EDA: variants seen among roughly 807,000 people sequenced by gnomAD.
The protein encoded by EDA is ectodysplasin-A.
In EDA, 2 loss-of-function variants were observed where a neutral mutation model predicts 23.6. That is an observed-to-expected ratio of 0.08 (90% CI 0.03 to 0.27). The LOEUF is 0.27. Ranked by LOEUF, EDA falls within the 10% of genes least tolerant of loss-of-function variation. The probability of loss-of-function intolerance (pLI) is 1.00; values close to 1 mark genes in which losing one functional copy is unlikely to be tolerated. For synonymous variants in EDA, 131 were observed against 132.0 expected, an observed-to-expected ratio of 0.99 and a Z score of 0.05; for missense variants, 229 against 324.2, an observed-to-expected ratio of 0.71 and a Z score of 2.26.
At chrX:69,709,491 G>A (rs984027268) in intron 1 of EDA, among the ~76,000 whole-genome samples, 1 of 111,442 alleles carries the variant, frequency 9.0e-6, no homozygotes, top group Non-Finnish European at 1.9e-5. Flanking sequence ...CTGAGACACC[G>A]TCAAATACTT....
chrX:69,993,843 C>T (rs1339208886), intron 2 of EDA, among the ~76,000 whole-genome samples: 1 of 111,287 alleles, frequency 9.0e-6, no homozygotes, highest in African/African-American at 3.3e-5. Context: ...CATATTTCTT[C>T]AACTTGAGGT....
intron 2 of EDA, among the ~76,000 whole-genome samples, chrX:69,989,916 A>G (rs1378512244): frequency 9.7e-6 from 1 of 102,967 alleles, no homozygotes; most frequent in Non-Finnish European, 2.0e-5. Flanking sequence ...AGGAGGGGAG[A>G]GAGAAAGAGG....
chrX:70,028,056 C>T lies in EDA; in HGVS notation c.706+20C>T, dbSNP rs1326769665. 1 of 1,196,534 alleles carries T rather than the reference C, an allele frequency of 8.4e-7. No individual in the cohort carries two copies. Among genetic ancestry groups the T allele is most frequent in the Non-Finnish European group, 1.1e-6 (1 of 888,256 alleles). ...CTTCTGGTGAGTTCCCCTGTCTCTC[C>T]ACCCCACCAGGTGCCTTTAAAGTAC... On this transcript the variant is annotated intron_variant, in intron 4 of 7. Transcript: ENST00000374552.
At chrX:69,892,279 T>G (rs1288153998) in intron 1 of EDA, among the ~76,000 whole-genome samples, 1 of 112,227 alleles carries the variant, frequency 8.9e-6, no homozygotes, top group South Asian at 3.7e-4. Context: ...AAACTAATAT[T>G]ACATGCTCTT....
intron 1 of EDA, among the ~76,000 whole-genome samples, chrX:69,628,233 C>A (rs1402947371): frequency 8.9e-6 from 1 of 112,028 alleles, no homozygotes; most frequent in Non-Finnish European, 1.9e-5. Context: ...TTGGATCAAT[C>A]CACAAGGCTC....
chrX:69,671,919 A>G (rs549603062), intron 1 of EDA, among the ~76,000 whole-genome samples: 1 of 112,247 alleles, frequency 8.9e-6, no homozygotes, highest in African/African-American at 3.2e-5. Context: ...GTCACCTATT[A>G]GAGACACTTA....
At chrX:69,731,497 A>G (rs943808980) in intron 1 of EDA, among the ~76,000 whole-genome samples, 62 of 109,092 alleles carry the variant, frequency 5.7e-4, no homozygotes, top group African/African-American at 2.0e-3. Flanking sequence ...GCTGGAGTAC[A>G]GTAGCGTGAT....
intron 1 of EDA, among the ~76,000 whole-genome samples, chrX:69,908,078 C>A (rs1359152537): frequency 1.8e-5 from 2 of 111,719 alleles, no homozygotes; most frequent in East Asian, 5.6e-4. Flanking sequence ...GTACACTTGA[C>A]AATTACTCCC....
At chrX:69,687,379 T>C (rs1195947702) in intron 1 of EDA, among the ~76,000 whole-genome samples, 2 of 111,080 alleles carry the variant, frequency 1.8e-5, no homozygotes, top group Non-Finnish European at 3.8e-5. Context: ...TTCACTCTTA[T>C]TTGTGTGAAG....
chrX:69,829,343 C>G (rs1027078800), intron 1 of EDA, among the ~76,000 whole-genome samples: 2 of 111,877 alleles, frequency 1.8e-5, no homozygotes, highest in African/African-American at 6.5e-5. Context: ...ACTTCCCCAC[C>G]ACCTCATATC....
chrX:69,818,015 A>G (rs1569342089), intron 1 of EDA, among the ~76,000 whole-genome samples: 1 of 111,903 alleles, frequency 8.9e-6, no homozygotes, highest in East Asian at 2.8e-4. Context: ...TAAAATCATA[A>G]CAGTCTCTTA....
In EDA at chrX:69,721,153, G is replaced by A. The variant is rs1265793888; in HGVS notation, c.396+104449G>A. Among the ~76,000 whole-genome samples, 6 of 111,491 alleles carry A rather than the reference G, an allele frequency of 5.4e-5. No homozygotes were observed. In the East Asian group the frequency reaches 1.7e-3, roughly 32 times the overall value. Reference sequence around the variant, plus strand: ...GGCTTCCACTGCTCCTGCTGGTGGTGCTTGACGGGGCAGAAGGGGTTTCCC... The same window carrying A: ...GGCTTCCACTGCTCCTGCTGGTGGTACTTGACGGGGCAGAAGGGGTTTCCC... On this transcript the variant is annotated intron_variant, in intron 1 of 7. Coordinates refer to ENST00000374552, the MANE Select transcript of EDA (RefSeq NM_001399.5).
At chrX:69,836,873 C>G (rs2016789225) in intron 1 of EDA, among the ~76,000 whole-genome samples, 2 of 111,520 alleles carry the variant, frequency 1.8e-5, no homozygotes, top group Non-Finnish European at 1.9e-5. Flanking sequence ...TGGAATGCCC[C>G]CAAGAAATCC....
chrX:69,912,326 T>C (rs1446094851), intron 1 of EDA, among the ~76,000 whole-genome samples: 1 of 111,990 alleles, frequency 8.9e-6, no homozygotes, highest in Non-Finnish European at 1.9e-5. Context: ...TATTTTGACC[T>C]GCTTCCATGA....
intron 2 of EDA, 77 bp from the exon 3 acceptor site, chrX:70,023,141 C>T (rs997643463): frequency 2.6e-5 from 18 of 699,266 alleles, no homozygotes; most frequent in Non-Finnish European, 3.7e-5. Flanking sequence ...GGGGATCCCT[C>T]CTAGTGACTA....
At chrX:69,873,398 A>G (rs971594622) in intron 1 of EDA, among the ~76,000 whole-genome samples, 1 of 112,351 alleles carries the variant, frequency 8.9e-6, no homozygotes, top group Non-Finnish European at 1.9e-5. Context: ...AACAAAGATT[A>G]GAGCAGAACT....
In EDA at chrX:69,790,439, A is replaced by T. The variant is rs148880663; in HGVS notation, c.397-166588A>T. Among the ~76,000 whole-genome samples, 891 of 111,204 alleles carry T rather than the reference A, an allele frequency of 8.0e-3. 11 individuals are homozygous for T. Among genetic ancestry groups the T allele is most frequent in the African/African-American group, 0.028 (844 of 30,625 alleles). On this transcript the variant is annotated intron_variant, in intron 1 of 7. Coordinates refer to ENST00000374552, the MANE Select transcript of EDA (RefSeq NM_001399.5). ...ATTGCTTAGCCGTATATTTTATTTA[A>T]TCTTAGTTCAATGGATAGCAAATTA...
chrX:69,962,428 CATTTT>C (rs751747916), intron 2 of EDA, among the ~76,000 whole-genome samples: 1 of 112,168 alleles, frequency 8.9e-6, no homozygotes, highest in Non-Finnish European at 1.9e-5. Context: ...AAAAGTACCT[CATTTT>C]ATTTTATTTT....
At chrX:69,877,027 A>G (rs1171125277) in intron 1 of EDA, among the ~76,000 whole-genome samples, 1 of 112,592 alleles carries the variant, frequency 8.9e-6, no homozygotes, top group East Asian at 2.8e-4. Context: ...TTGCAAAATG[A>G]CCATACCACT....
Sources: gnomAD v4.1 joint callset for allele counts (sites outside exome capture counted in the v4.1 genomes callset) on GRCh38, gnomAD v4.1.1 for gene constraint, MANE v1.5 for transcripts, NCBI Gene and HGNC (gene_info 2026-07-23, HGNC 2026-07-21) for gene names.